Variants in RNF213 observed in about 807,000 individuals in gnomAD.
The protein encoded by RNF213 is ring finger protein 213, also known as E3 ubiquitin-protein ligase RNF213.
RNF213 carries 341 observed loss-of-function variants against 514.4 expected under a neutral mutation model. That is an observed-to-expected ratio of 0.66 (90% CI 0.61 to 0.73). The LOEUF is 0.73. Among genes scored for constraint, RNF213 ranks in the 30% least tolerant of loss-of-function variants. The pLI is 0.00. For missense variants in RNF213, 5,767 were observed against 6,615.6 expected, an observed-to-expected ratio of 0.87 and a Z score of 4.45; for synonymous variants, 2,655 against 2,658.2, an observed-to-expected ratio of 1.00 and a Z score of 0.04.
chr17:80,298,710 A>T, intron 11 of RNF213, 192 bp downstream of exon 11: 1 of 628,706 alleles, frequency 1.6e-6, no homozygotes, highest in Admixed American at 2.5e-5. Context: ...CACGCCTGTA[A>T]TCCCAGCACT....
intron 25 of RNF213, among the ~76,000 whole-genome samples, chr17:80,338,892 G>A (rs2078065028): frequency 7.0e-6 from 1 of 143,688 alleles, no homozygotes; most frequent in Non-Finnish European, 1.5e-5. Context: ...AGGTTGCAGT[G>A]AGCCGAGATC....
At position 80,306,352 on chromosome 17, in the gene RNF213, G is replaced by C. The variant is rs1209179687; in HGVS notation, c.2311G>C (p.Val771Leu). The C allele has an allele frequency of 6.2e-7, 1 of 1,614,012 alleles. No homozygotes were observed. The highest frequency in any genetic ancestry group is 1.3e-5 in the African/African-American group (1 of 74,902). ...TAGTCTGCTACCTCTGAGTCACCTGGTTATGTATATGGAAAACTTCATTGA... is the reference window on the plus strand; with the variant it reads ...TAGTCTGCTACCTCTGAGTCACCTGCTTATGTATATGGAAAACTTCATTGA... ...WFSLLPLSHL[V>L]MYMENFIEHL... Residue 771 changes from valine to leucine, a missense_variant, in exon 12 of 68, where the codon GTT (valine) becomes CTT (leucine). Coordinates refer to ENST00000582970, the MANE Select transcript of RNF213 (RefSeq NM_001256071.3).
intron 22 of RNF213, among the ~76,000 whole-genome samples, chr17:80,335,562 TC>T (rs1027716191): frequency 6.6e-6 from 1 of 152,210 alleles, no homozygotes; most frequent in African/African-American, 2.4e-5. Context: ...AGCCTTGGTT[TC>T]TTTTTGTTTA....
rs2077987794 is a variant in RNF213 at position 80,336,368 on chromosome 17, C to T, written c.4517C>T (p.Pro1506Leu). 5 of 1,537,070 alleles carry T rather than the reference C, an allele frequency of 3.3e-6. 1 individual carries two copies. In the South Asian group the frequency reaches 3.6e-5, roughly 11 times the overall value. The change falls in exon 23 of 68, where the codon CCC becomes CTC. Residue 1506 changes from proline (P) to leucine (L), a missense_variant. Physicochemically the swap from Pro to Leu is moderately conservative, Grantham distance 98. This residue lies in a region of RNF213 where 1,377 missense variants were observed against 1,635.2 expected (regional missense o/e 0.84). Transcript: ENST00000582970. ...GCTCTGGATAAGGACCAGTACCTGC[C>T]CAGGAAACTGGTGAGTCTTATTCTG... ...WKALDKDQYL[P>L]RKLCDSARNL...
intron 3 of RNF213, among the ~76,000 whole-genome samples, chr17:80,275,292 G>C (rs1160929573): frequency 6.6e-6 from 1 of 151,770 alleles, no homozygotes; most frequent in African/African-American, 2.4e-5. Context: ...CATGGGATGC[G>C]GAAGGTTTGG....
rs1568118803 is a variant in RNF213 at position 80,353,811 on chromosome 17, C to T, written c.10578+145C>T. 18 of 1,278,484 alleles carry T rather than the reference C, an allele frequency of 1.4e-5. No individual in the cohort carries two copies. The highest frequency in any genetic ancestry group is 7.5e-5 in the Admixed American group (4 of 53,378). The allele number at this position is 1,278,484 out of a possible 1,614,324, so 79.2% of individuals were successfully genotyped here. ...GCGCCCCACTTTCCTCACACAGTGA[C>T]GGTCTTGTTGCTGGTTACTGGGGGT... On this transcript the variant is annotated intron_variant, in intron 34 of 67. Transcript: ENST00000582970. The surrounding 1 kb of genome is among the most constrained non-coding windows in gnomAD (Gnocchi z 5.0).
In RNF213 at chr17:80,273,314, G is replaced by A; in HGVS notation, c.171G>A (p.Glu57=). 1.2e-6 allele frequency: 2 copies of A among 1,613,620 alleles called. No homozygotes were observed. The highest frequency in any genetic ancestry group is 8.5e-7 in the Non-Finnish European group (1 of 1,180,012). The change falls in exon 3 of 68, where the codon GAG becomes GAA. Residue 57 remains glutamate (E), a synonymous_variant. Coordinates refer to ENST00000582970, the MANE Select transcript of RNF213 (RefSeq NM_001256071.3). ...TGGAGTGTGGGCAGGAGCTGAAGGAGGAAGGGGGCCCGTGCTTGTTCCCGG... is the reference window on the plus strand; with the variant it reads ...TGGAGTGTGGGCAGGAGCTGAAGGAAGAAGGGGGCCCGTGCTTGTTCCCGG... ...GEMECGQELK[E]EGGPCLFPGS...
chr17:80,349,185 G>T (rs890729071), intron 29 of RNF213, among the ~76,000 whole-genome samples: 10 of 152,188 alleles, frequency 6.6e-5, no homozygotes, highest in Non-Finnish European at 5.9e-5. Flanking sequence ...GATACCGCAG[G>T]AACGGACAGC....
At position 80,390,001 on chromosome 17, in the gene RNF213, C is replaced by T. The variant is rs563069375; in HGVS notation, c.15286-11C>T. On this transcript the variant is annotated splice_polypyrimidine_tract_variant and intron_variant, in intron 66 of 67. Transcript: ENST00000582970. ...GGCTTTAATGCTTCATTTGCTCTTC[C>T]GTCGTTTTAGGAGCCATTTGGGGAA... The T allele has an allele frequency of 1.3e-5, 21 of 1,614,196 alleles. No homozygotes were observed. The highest frequency in any genetic ancestry group is 4.0e-5 in the African/African-American group (3 of 75,046).
At chr17:80,358,581 C>G (rs1439164315) in intron 37 of RNF213, 102 bp downstream of exon 37, 1 of 1,097,500 alleles carries the variant, frequency 9.1e-7, no homozygotes, top group Non-Finnish European at 1.4e-6. Flanking sequence ...CCCTCAACTT[C>G]AGAGCAACGT....
intron 3 of RNF213, among the ~76,000 whole-genome samples, chr17:80,275,867 T>A (rs1053036304): frequency 6.6e-6 from 1 of 151,738 alleles, no homozygotes; most frequent in African/African-American, 2.4e-5. Flanking sequence ...TTTCACCATG[T>A]TGGCCAGGAT....
Position 80,393,595 on chromosome 17 carries a change from T to C in RNF213, c.*97T>C, listed in dbSNP as rs989871924. 46 of 1,360,704 alleles carry C rather than the reference T, an allele frequency of 3.4e-5. No individual in the cohort carries two copies. The highest frequency in any genetic ancestry group is 4.4e-5 in the Non-Finnish European group (43 of 967,512). 84.3% of individuals were successfully genotyped at this position (1,360,704 alleles called of 1,614,324 possible). A position where few individuals can be genotyped will look rare whatever the true frequency, so the allele number is the denominator to read the frequency against. On this transcript the variant is annotated 3_prime_UTR_variant, in exon 68 of 68. Transcript: ENST00000582970. ...TGATCATGGACTGGTGCCTTTGCAT[T>C]CAGAAGGAGAGCTGTCAGCGTAGCA... is the stretch of plus-strand genomic sequence containing the variant.
chr17:80,350,337 C>T lies in RNF213; in HGVS notation c.10125C>T (p.Leu3375=), dbSNP rs772807916. 1 of 1,611,358 alleles carries T rather than the reference C, an allele frequency of 6.2e-7. No homozygotes were observed. The highest frequency in any genetic ancestry group is 1.3e-5 in the African/African-American group (1 of 74,860). ...CGAATACAGCCAAATGTAAAATCCT[C>T]ATTTTTCAGACAGATTTTGAAGATG... ...CLTNTAKCKI[L]IFQTDFEDGI... is the part of the protein sequence containing the mutation. Residue 3375 remains leucine (L), a synonymous_variant, in exon 31 of 68, where the codon CTC becomes CTT. Coordinates refer to ENST00000582970, the MANE Select transcript of RNF213 (RefSeq NM_001256071.3).
At chr17:80,382,270 TCTGTAAGACAA>T (rs1599196370) in intron 57 of RNF213, 1 of 157,694 alleles carries the variant, frequency 6.3e-6, no homozygotes, top group African/African-American at 2.4e-5. Flanking sequence ...AAAGAAAAGG[TCTGTAAGACAA>T]CTTAGTAAAA....
At chr17:80,340,773 G>A (rs180865231) in intron 26 of RNF213, 80 of 166,834 alleles carry the variant, frequency 4.8e-4, no homozygotes, top group Admixed American at 1.6e-3. Flanking sequence ...GGTACCCACC[G>A]CCATCCCTGG....
At chr17:80,381,424 T>C in intron 56 of RNF213, 123 bp from the exon 57 acceptor site, 3 of 1,046,328 alleles carry the variant, frequency 2.9e-6, no homozygotes, top group Non-Finnish European at 4.5e-6. Flanking sequence ...CTCCGCCGTT[T>C]TCATCTTAGA....
At chr17:80,393,105 G>C (rs539267283) in intron 67 of RNF213, among the ~76,000 whole-genome samples, 2 of 151,998 alleles carry the variant, frequency 1.3e-5, no homozygotes, top group African/African-American at 4.8e-5. Flanking sequence ...AGCCTCCTGA[G>C]TAGCTTCGGA....
chr17:80,262,401 C>T (rs2043454211), intron 1 of RNF213, among the ~76,000 whole-genome samples: 1 of 152,074 alleles, frequency 6.6e-6, no homozygotes, highest in Non-Finnish European at 1.5e-5. Flanking sequence ...GGCATTGGGA[C>T]AGGGGCTTGG....
At chr17:80,279,356 A>T (rs1393640709) in intron 3 of RNF213, among the ~76,000 whole-genome samples, 1 of 152,094 alleles carries the variant, frequency 6.6e-6, no homozygotes, top group Non-Finnish European at 1.5e-5. Flanking sequence ...CCTGAACACA[A>T]GGTCTTGGAT....
Sources: gnomAD v4.1 joint callset for allele counts (sites outside exome capture counted in the v4.1 genomes callset) on GRCh38, gnomAD v4.1.1 for gene constraint, gnomAD v4.1.1 regional missense constraint, Gnocchi (gnomAD v3.1) non-coding constraint, MANE v1.5 for transcripts, NCBI Gene and HGNC (gene_info 2026-07-23, HGNC 2026-07-21) for gene names.